The following PLXNC1 variants were observed in gnomAD, a reference collection of about 807,000 sequenced individuals.
PLXNC1 encodes plexin C1, also known as plexin-C1.
In PLXNC1, 75 loss-of-function variants were observed where a neutral mutation model predicts 178.2. The observed-to-expected ratio is 0.42, with a 90% confidence interval of 0.35 to 0.51. The LOEUF is 0.51. Among genes scored for constraint, PLXNC1 ranks in the 20% least tolerant of loss-of-function variants. The pLI, the probability that PLXNC1 is intolerant of heterozygous loss-of-function variation, is 0.02. For missense variants in PLXNC1, 1,503 were observed against 1,984.4 expected, an observed-to-expected ratio of 0.76 and a Z score of 4.61; for synonymous variants, 790 against 779.9, an observed-to-expected ratio of 1.01 and a Z score of -0.22.
intron 5 of PLXNC1, among the ~76,000 whole-genome samples, chr12:94,214,901 ATT>A (rs143919928): frequency 2.0e-5 from 3 of 147,306 alleles, no homozygotes; most frequent in Non-Finnish European, 3.0e-5. Flanking sequence ...TATTAAGGCT[ATT>A]TTTTTTTTTT....
intron 1 of PLXNC1, among the ~76,000 whole-genome samples, chr12:94,164,965 T>C (rs1343610614): frequency 2.0e-5 from 3 of 151,992 alleles, no homozygotes; most frequent in African/African-American, 7.3e-5. Flanking sequence ...TAGAGCGAAA[T>C]CAAGATCGGA....
intron 7 of PLXNC1, 22 bp downstream of exon 7, chr12:94,224,337 G>T: frequency 1.7e-6 from 2 of 1,192,714 alleles, no homozygotes; most frequent in South Asian, 1.2e-5. Flanking sequence ...TTTGAAATTT[G>T]AATATTCTCT....
chr12:94,256,844 CAAAAAAAAAAA>C (rs35718233), intron 17 of PLXNC1, among the ~76,000 whole-genome samples: 4 of 110,994 alleles, frequency 3.6e-5, no homozygotes, highest in East Asian at 2.7e-4. Context: ...TGAGTGTTTC[CAAAAAAAAAAA>C]AAAAAAAAAG....
intron 15 of PLXNC1, among the ~76,000 whole-genome samples, chr12:94,253,299 A>C (rs1396834144): frequency 2.0e-5 from 3 of 151,328 alleles, no homozygotes; most frequent in Non-Finnish European, 4.4e-5. Flanking sequence ...CAGCTAGTAC[A>C]GGCAGTTGCC....
Position 94,270,586 on chromosome 12 carries a change from C to T in PLXNC1, c.3597+5361C>T, listed in dbSNP as rs533377766. ...GGGGCTCTTTGCCAACACACAACAC[C>T]CACCCCCACCCCCAACCCTGCACCC... On this transcript the variant is annotated intron_variant, in intron 21 of 30. Coordinates refer to ENST00000258526, the MANE Select transcript of PLXNC1 (RefSeq NM_005761.3). 1.8e-4 allele frequency among the ~76,000 whole-genome samples: 28 copies of T among 151,846 alleles called. No individual in the cohort carries two copies. The South Asian group carries it at 5.6e-3, about 30-fold the overall frequency.
intron 28 of PLXNC1, 73 bp downstream of exon 28, chr12:94,301,130 C>A: frequency 1.5e-6 from 2 of 1,378,804 alleles, no homozygotes; most frequent in South Asian, 1.3e-5. Flanking sequence ...GATAAGCATT[C>A]AAATAATAAA....
At chr12:94,202,673 G>A (rs1466227558) in intron 4 of PLXNC1, among the ~76,000 whole-genome samples, 1 of 152,208 alleles carries the variant, frequency 6.6e-6, no homozygotes, top group East Asian at 1.9e-4. Context: ...CGCTCGGGAG[G>A]GCCTGGCCTG....
At position 94,225,554 on chromosome 12, in the gene PLXNC1, T is replaced by C. The variant is rs534950026; in HGVS notation, c.1791-1051T>C. ...TGAAAATAGGAAAAAAGGGTGTGAA[T>C]TAAATAGAATTATATAGCTCAAAGA... is the stretch of plus-strand genomic sequence containing the variant. On this transcript the variant is annotated intron_variant, in intron 7 of 30. Transcript: ENST00000258526. Among the ~76,000 whole-genome samples, 4 of 152,246 alleles carry C rather than the reference T, an allele frequency of 2.6e-5. No individual in the cohort carries two copies. The South Asian group carries it at 8.3e-4, about 32-fold the overall frequency.
chr12:94,196,160 G>A (rs1387207008), intron 4 of PLXNC1, among the ~76,000 whole-genome samples: 1 of 152,164 alleles, frequency 6.6e-6, no homozygotes, highest in Non-Finnish European at 1.5e-5. Context: ...CTGTCATCAT[G>A]AGAGGTGAGC....
rs1166634632 is a variant in PLXNC1 at position 94,177,245 on chromosome 12, ATATATATG to A, written c.1204-4193_1204-4186del. Among the ~76,000 whole-genome samples, 25 of 135,994 alleles carry A rather than the reference ATATATATG, an allele frequency of 1.8e-4. 1 individual carries two copies. Among genetic ancestry groups the A allele is most frequent in the African/African-American group, 7.0e-4 (25 of 35,960 alleles). 89.2% of individuals were successfully genotyped at this position (135,994 alleles called of 152,430 possible). On this transcript the variant is annotated intron_variant, in intron 2 of 30. Transcript: ENST00000258526. ...TATATATATACATATATATATATAT[ATATATATG>A]TATATATATATGAGGGGCTGCAGGG... is the stretch of plus-strand genomic sequence containing the variant.
intron 6 of PLXNC1, among the ~76,000 whole-genome samples, chr12:94,221,509 A>G (rs1390326731): frequency 1.3e-5 from 2 of 152,226 alleles, no homozygotes; most frequent in Non-Finnish European, 2.9e-5. Context: ...GACTAGAAGT[A>G]GAGTTGAGTT....
intron 4 of PLXNC1, among the ~76,000 whole-genome samples, chr12:94,195,455 G>A (rs908469690): frequency 2.6e-5 from 4 of 152,110 alleles, no homozygotes; most frequent in African/African-American, 9.7e-5. Flanking sequence ...GATGGAATCA[G>A]GGCTGGGTCC....
chr12:94,272,623 C>T lies in PLXNC1; in HGVS notation c.3598-6849C>T, dbSNP rs117272829. On this transcript the variant is annotated intron_variant, in intron 21 of 30. Coordinates refer to ENST00000258526, the MANE Select transcript of PLXNC1 (RefSeq NM_005761.3). ...CCCTTTTGTTCGGATCGAAGACTTC[C>T]CACTGGGCATGGTGGCTCACACCTG... 5.3e-4 allele frequency among the ~76,000 whole-genome samples: 80 copies of T among 152,308 alleles called. 2 individuals carry two copies. The East Asian group carries it at 0.014, about 27-fold the overall frequency.
chr12:94,270,928 C>T (rs961288640), intron 21 of PLXNC1, among the ~76,000 whole-genome samples: 4 of 152,042 alleles, frequency 2.6e-5, no homozygotes, highest in Admixed American at 6.6e-5. Context: ...GATGGGCAAG[C>T]GCAGCTCAAA....
chr12:94,219,495 G>C (rs1279759486), intron 5 of PLXNC1, among the ~76,000 whole-genome samples: 1 of 152,152 alleles, frequency 6.6e-6, no homozygotes, highest in East Asian at 1.9e-4. Context: ...TTTTATATTT[G>C]TCCATAAGCT....
rs1403974918 is a variant in PLXNC1, at chr12:94,149,646, G to A, written c.675G>A (p.Leu225=). The A allele has an allele frequency of 1.2e-6, 2 of 1,602,432 alleles. No individual in the cohort carries two copies. The highest frequency in any genetic ancestry group is 8.5e-7 in the Non-Finnish European group (1 of 1,175,014). Residue 225 remains leucine (L), a synonymous_variant, in exon 1 of 31, where the codon CTG becomes CTA. Transcript: ENST00000258526. ...CGCAGGAGCTGGGGCGCCTCAAGCT[G>A]TGCGAGGGCGCGGGCAGCCTGCACT... The part of the protein sequence containing the change: ...LATQELGRLK[L]CEGAGSLHFV...
chr12:94,176,866 A>G (rs1320706423), intron 2 of PLXNC1, among the ~76,000 whole-genome samples: 1 of 151,906 alleles, frequency 6.6e-6, no homozygotes, highest in Non-Finnish European at 1.5e-5. Context: ...TTATAGATAT[A>G]TGTACATATT....
rs965684222 is a variant in PLXNC1 at position 94,209,576 on chromosome 12, C to T, written c.1440-14C>T. On this transcript the variant is annotated splice_polypyrimidine_tract_variant and intron_variant, in intron 4 of 30. Coordinates refer to ENST00000258526, the MANE Select transcript of PLXNC1 (RefSeq NM_005761.3). ...CACGTATGGGGTCGCTGTTTTGTTG[C>T]CTCGTTTTTTTAGGTGCACTTTTCA... 6.6e-7 allele frequency: 1 copy of T among 1,508,580 alleles called. No homozygotes were observed. The highest frequency in any genetic ancestry group is 9.2e-7 in the Non-Finnish European group (1 of 1,087,032). 93.4% of individuals were successfully genotyped at this position (1,508,580 alleles called of 1,614,324 possible). A position where few individuals can be genotyped will look rare whatever the true frequency, so the allele number is the denominator to read the frequency against.
chr12:94,254,631 T>C, intron 15 of PLXNC1, 156 bp from the exon 16 acceptor site: 1 of 713,348 alleles, frequency 1.4e-6, no homozygotes, highest in Non-Finnish European at 2.6e-6. Context: ...ATCCAGCTTT[T>C]TAATGCTATT....
Sources: allele counts gnomAD v4.1 joint callset (sites outside exome capture counted in the v4.1 genomes callset), GRCh38; gene constraint gnomAD v4.1.1; transcripts MANE v1.5; gene names NCBI Gene and HGNC (gene_info 2026-07-23, HGNC 2026-07-21).